The following SYN3 variants were observed in gnomAD, a reference collection of about 807,000 sequenced individuals.
SYN3 encodes the protein synapsin-3.
Under a neutral mutation model 65.8 loss-of-function variants are expected in SYN3, and 35 were observed. The ratio of observed to expected loss-of-function variants is 0.53; its 90% confidence interval spans 0.41 to 0.70. The LOEUF (loss-of-function observed/expected upper bound fraction) is 0.70. SYN3 is among the 30% of genes least tolerant of loss of function. The pLI is 0.00. For missense variants in SYN3, 680 were observed against 749.0 expected (o/e 0.91, Z 1.08); for synonymous variants, 270 against 292.9 (o/e 0.92, Z 0.80).
chr22:32,977,689 A>G (rs2052245138), intron 3 of SYN3, among the ~76,000 whole-genome samples: 1 of 149,924 alleles, frequency 6.7e-6, no homozygotes, highest in Non-Finnish European at 1.5e-5. Flanking sequence ...GGTTGCAGTG[A>G]GCCGAGATTG....
chr22:32,556,003 C>G (rs751419090), intron 7 of SYN3, among the ~76,000 whole-genome samples: 1 of 152,078 alleles, frequency 6.6e-6, no homozygotes, highest in Non-Finnish European at 1.5e-5. Context: ...AATCAATTCC[C>G]GAGCTCATCA....
intron 6 of SYN3, among the ~76,000 whole-genome samples, chr22:32,664,015 T>C (rs1407674673): frequency 2.0e-5 from 3 of 152,154 alleles, no homozygotes; most frequent in Admixed American, 1.3e-4. Flanking sequence ...TGTCTTTGAA[T>C]TTTAGACTTG....
At chr22:32,790,384 A>G (rs2046296073) in intron 6 of SYN3, among the ~76,000 whole-genome samples, 2 of 149,682 alleles carry the variant, frequency 1.3e-5, no homozygotes, top group Admixed American at 1.3e-4. Context: ...TATTAGTTAT[A>G]ACATTATATA....
chr22:32,961,502 C>A (rs181314343), intron 3 of SYN3, among the ~76,000 whole-genome samples: 1 of 152,136 alleles, frequency 6.6e-6, no homozygotes, highest in Non-Finnish European at 1.5e-5. Flanking sequence ...TTTGGTTTCA[C>A]CCCCATCATA....
At position 32,527,917 on chromosome 22, in the gene SYN3, C is replaced by A. The variant is rs759333572; in HGVS notation, c.1318+1G>T. 3 of 1,586,374 alleles carry A rather than the reference C, an allele frequency of 1.9e-6. No individual in the cohort carries two copies. Among genetic ancestry groups the A allele is most frequent in the Non-Finnish European group, 2.6e-6 (3 of 1,165,170 alleles). The stretch of plus-strand genomic sequence containing the variant: ...TTGCAGTGGCTCGTCCTGGGTCATA[C>A]CTTGCGGAGGTGGGCGTGGCTGGGG... On this transcript the variant is annotated splice_donor_variant, in intron 12 of 13. Transcript: ENST00000358763. LOFTEE classifies it high-confidence loss of function.
intron 6 of SYN3, among the ~76,000 whole-genome samples, chr22:32,854,848 G>A (rs903769794): frequency 6.6e-6 from 1 of 152,172 alleles, no homozygotes; most frequent in Non-Finnish European, 1.5e-5. Flanking sequence ...AGAACAATGT[G>A]TGCTTTTAAC....
At chr22:32,917,856 T>C (rs1234281913) in intron 4 of SYN3, among the ~76,000 whole-genome samples, 2 of 152,244 alleles carry the variant, frequency 1.3e-5, no homozygotes, top group Non-Finnish European at 2.9e-5. Flanking sequence ...CTTGTGCTGC[T>C]CTCTTCCCGT....
intron 6 of SYN3, among the ~76,000 whole-genome samples, chr22:32,701,835 G>T (rs1401439880): frequency 6.6e-6 from 1 of 151,862 alleles, no homozygotes; most frequent in Non-Finnish European, 1.5e-5. Flanking sequence ...GAAGAGAGGG[G>T]AGTACAGAAA....
intron 2 of SYN3, among the ~76,000 whole-genome samples, chr22:32,982,545 T>C (rs1032486424): frequency 2.5e-4 from 38 of 152,260 alleles, no homozygotes; most frequent in African/African-American, 8.9e-4. Context: ...TTCATCTCTA[T>C]ACTGAGAGTC....
At chr22:33,052,147 A>G (rs745454408) in intron 1 of SYN3, among the ~76,000 whole-genome samples, 4 of 152,136 alleles carry the variant, frequency 2.6e-5, no homozygotes, top group Admixed American at 1.3e-4. Context: ...CCTGACCTTC[A>G]GTCTAGAGCT....
intron 2 of SYN3, among the ~76,000 whole-genome samples, chr22:32,981,234 C>G (rs1045260525): frequency 6.6e-6 from 1 of 151,716 alleles, no homozygotes; most frequent in Non-Finnish European, 1.5e-5. Flanking sequence ...CTAGTTCTGT[C>G]ACGTCACTTG....
chr22:32,817,224 A>C (rs571435358), intron 6 of SYN3, among the ~76,000 whole-genome samples: 8 of 152,228 alleles, frequency 5.3e-5, no homozygotes, highest in South Asian at 2.1e-4. Context: ...TCTCAAAAAA[A>C]AAAAAATGTT....
intron 6 of SYN3, among the ~76,000 whole-genome samples, chr22:32,686,340 C>T (rs772783591): frequency 3.2e-4 from 48 of 150,216 alleles, no homozygotes; most frequent in Middle Eastern, 7.1e-3. Flanking sequence ...TGCCGACCAT[C>T]GCCATGTGGG....
rs916890831 is a variant in SYN3 at position 32,509,383 on chromosome 22, A to G, written c.*4309T>C. Among the ~76,000 whole-genome samples, 1 of 152,158 alleles carries G rather than the reference A, an allele frequency of 6.6e-6. No homozygotes were observed. The highest frequency in any genetic ancestry group is 2.4e-5 in the African/African-American group (1 of 41,428). On this transcript the variant is annotated 3_prime_UTR_variant, in exon 14 of 14. Coordinates refer to ENST00000358763, the MANE Select transcript of SYN3 (RefSeq NM_003490.4). Reference sequence around the variant, plus strand: ...CATAACATTTTAGAGTCTATACAGCATGACTCCCCTCTCCCTCCTTTTTGC... The same window carrying G: ...CATAACATTTTAGAGTCTATACAGCGTGACTCCCCTCTCCCTCCTTTTTGC...
chr22:32,802,981 C>T (rs941464982), intron 6 of SYN3, among the ~76,000 whole-genome samples: 3 of 152,140 alleles, frequency 2.0e-5, no homozygotes, highest in Admixed American at 6.5e-5. Context: ...GTAAAGAGAC[C>T]TCCTACTCCT....
chr22:32,921,210 CA>C (rs2050326431), intron 4 of SYN3, among the ~76,000 whole-genome samples: 1 of 152,100 alleles, frequency 6.6e-6, no homozygotes, highest in African/African-American at 2.4e-5. Flanking sequence ...GTCCCTGGAA[CA>C]TAGTAGGTCC....
At chr22:32,769,896 A>G (rs553792041) in intron 6 of SYN3, among the ~76,000 whole-genome samples, 1 of 152,260 alleles carries the variant, frequency 6.6e-6, no homozygotes, top group Non-Finnish European at 1.5e-5. Flanking sequence ...GATCTCATTC[A>G]GTCTCATGAC....
chr22:32,998,246 C>G (rs1320484812), intron 2 of SYN3, among the ~76,000 whole-genome samples: 1 of 152,106 alleles, frequency 6.6e-6, no homozygotes, highest in East Asian at 1.9e-4. Flanking sequence ...AGCGTAATAA[C>G]TCTTGGAAAA....
chr22:32,531,065 T>A (rs2058061052), intron 10 of SYN3, among the ~76,000 whole-genome samples: 2 of 130,732 alleles, frequency 1.5e-5, no homozygotes, highest in Admixed American at 1.9e-4. Context: ...CGCGTTTCCC[T>A]CCCGCCTGGG....
Sources: gnomAD v4.1 joint callset for allele counts (sites outside exome capture counted in the v4.1 genomes callset) on GRCh38, gnomAD v4.1.1 for gene constraint, MANE v1.5 for transcripts, NCBI Gene and HGNC (gene_info 2026-07-23, HGNC 2026-07-21) for gene names.